FAM135A: variants seen among roughly 807,000 people sequenced by gnomAD.
FAM135A encodes the protein family with sequence similarity 135 member A, also known as protein FAM135A.
FAM135A carries 79 observed loss-of-function variants against 146.8 expected under a neutral mutation model. That is an observed-to-expected ratio of 0.54 (90% CI 0.45 to 0.65). FAM135A has a LOEUF of 0.65. Ranked by LOEUF, FAM135A falls within the 30% of genes least tolerant of loss-of-function variation. The pLI, the probability that FAM135A is intolerant of heterozygous loss-of-function variation, is 0.00. For synonymous variants in FAM135A, 562 were observed against 603.6 expected, an observed-to-expected ratio of 0.93 and a Z score of 1.01; for missense variants, 1,623 against 1,758.2, an observed-to-expected ratio of 0.92 and a Z score of 1.38.
chr6:70,526,153 A>C lies in FAM135A; in HGVS notation c.3069A>C (p.Thr1023=). 2 of 1,613,640 alleles carry C rather than the reference A, an allele frequency of 1.2e-6. No individual in the cohort carries two copies. The highest frequency in any genetic ancestry group is 1.7e-6 in the Non-Finnish European group (2 of 1,179,662). ...TTGAAAGTGAAACTCATCTGGGTAC[A>C]AGTGATCCTTTTTCAGCCAGTACTG... ...PTVESETHLG[T]SDPFSASTDI... is the part of the protein sequence containing the mutation. Residue 1023 remains threonine (T), a synonymous_variant, in exon 15 of 22, where the codon ACA becomes ACC. Transcript: ENST00000418814.
At chr6:70,487,827 A>C (rs893584115) in intron 10 of FAM135A, among the ~76,000 whole-genome samples, 1 of 152,182 alleles carries the variant, frequency 6.6e-6, no homozygotes, top group Non-Finnish European at 1.5e-5. Flanking sequence ...ATTTTACAGA[A>C]TGCAGTTTAA....
At chr6:70,448,844 C>T (rs182120532) in intron 4 of FAM135A, among the ~76,000 whole-genome samples, 15 of 152,232 alleles carry the variant, frequency 9.9e-5, no homozygotes, top group African/African-American at 3.6e-4. Flanking sequence ...GCACAGATTG[C>T]TCATGCTATT....
chr6:70,526,041 G>T lies in FAM135A; in HGVS notation c.2957G>T (p.Ser986Ile), dbSNP rs769630876. 3.1e-6 allele frequency: 5 copies of T among 1,611,814 alleles called. No homozygotes were observed. The highest frequency in any genetic ancestry group is 1.1e-5 in the South Asian group (1 of 90,718). Reference sequence around the variant, plus strand: ...TGTGTCATTTCAGGTTCCATTTCTAGTAATACAGATGTTAGTGAAGATAGA... The same window carrying T: ...TGTGTCATTTCAGGTTCCATTTCTATTAATACAGATGTTAGTGAAGATAGA... ...TPCVISGSISSNTDVSEDRTM... is the reference protein window; with the variant it reads ...TPCVISGSISINTDVSEDRTM... The change falls in exon 15 of 22, where the codon AGT becomes ATT. Residue 986 changes from serine (S) to isoleucine (I), a missense_variant. By Grantham distance (142) the Ser-to-Ile change is moderately radical. Transcript: ENST00000418814.
rs1195563360 is a variant in FAM135A, at chr6:70,453,417, A to AT, written c.157+852dup. On this transcript the variant is annotated intron_variant, in intron 5 of 21. Transcript: ENST00000418814. ...GGTTAATGTTAAATTTTTTATTTTT[A>AT]TTTTTTATTATTATACTTTAAGTTC... 2.6e-5 allele frequency among the ~76,000 whole-genome samples: 4 copies of AT among 152,022 alleles called. No homozygotes were observed. The East Asian group carries it at 5.8e-4, about 22-fold the overall frequency.
chr6:70,446,353 ATTTC>A, intron 4 of FAM135A, among the ~76,000 whole-genome samples: 1 of 152,272 alleles, frequency 6.6e-6, no homozygotes, highest in Non-Finnish European at 1.5e-5. Flanking sequence ...ACTTCTTATC[ATTTC>A]TACCATCTGA....
At chr6:70,463,958 G>T (rs1328463321) in intron 5 of FAM135A, among the ~76,000 whole-genome samples, 1 of 152,220 alleles carries the variant, frequency 6.6e-6, no homozygotes, top group Non-Finnish European at 1.5e-5. Context: ...GAAATAGGCA[G>T]TTAAGAGATT....
intron 2 of FAM135A, among the ~76,000 whole-genome samples, chr6:70,424,049 C>G (rs1454750192): frequency 6.6e-6 from 1 of 152,232 alleles, no homozygotes; most frequent in East Asian, 1.9e-4. Flanking sequence ...TGATGAAGAT[C>G]TCATGCCCTC....
chr6:70,520,835 A>C (rs1334967314), intron 12 of FAM135A, among the ~76,000 whole-genome samples: 1 of 152,234 alleles, frequency 6.6e-6, no homozygotes, highest in Non-Finnish European at 1.5e-5. Context: ...TAATAGCTAC[A>C]GCATGATAAT....
intron 5 of FAM135A, among the ~76,000 whole-genome samples, chr6:70,473,346 C>T (rs1471591843): frequency 6.6e-6 from 1 of 152,196 alleles, no homozygotes; most frequent in Non-Finnish European, 1.5e-5. Context: ...GTGCTACTCC[C>T]AGGCCATTTG....
intron 11 of FAM135A, among the ~76,000 whole-genome samples, chr6:70,496,205 A>T (rs542414827): frequency 3.9e-5 from 6 of 151,930 alleles, no homozygotes; most frequent in Non-Finnish European, 8.8e-5. Flanking sequence ...TCCTTAAGGA[A>T]TTGCCACAGT....
chr6:70,548,407 A>G (rs1376100406), intron 20 of FAM135A, among the ~76,000 whole-genome samples: 1 of 152,212 alleles, frequency 6.6e-6, no homozygotes, highest in African/African-American at 2.4e-5. Context: ...AGTGTATTTA[A>G]TCAGTATCAG....
chr6:70,413,942 C>G (rs967855436), intron 1 of FAM135A: 1 of 985,574 alleles, frequency 1.0e-6, no homozygotes, highest in Middle Eastern at 5.2e-4. Context: ...CGCTGCTCTC[C>G]CGGTGCCCGC....
intron 21 of FAM135A, 81 bp from the exon 22 acceptor site, chr6:70,559,635 A>T: frequency 8.6e-7 from 1 of 1,169,238 alleles, no homozygotes; most frequent in Non-Finnish European, 1.2e-6. Context: ...AAATTTTATA[A>T]CTTATCTAAA....
intron 15 of FAM135A, among the ~76,000 whole-genome samples, chr6:70,527,369 A>C (rs1409902006): frequency 6.6e-6 from 1 of 152,132 alleles, no homozygotes; most frequent in Non-Finnish European, 1.5e-5. Flanking sequence ...GCATGTATAT[A>C]TATAGAGAGA....
chr6:70,433,203 TA>T (rs1456130857), intron 4 of FAM135A, among the ~76,000 whole-genome samples: 1 of 151,760 alleles, frequency 6.6e-6, no homozygotes, highest in Non-Finnish European at 1.5e-5. Flanking sequence ...GCCTTCCGAG[TA>T]GCTGGGACTA....
intron 3 of FAM135A, 94 bp from the exon 4 acceptor site, chr6:70,428,210 G>A (rs966293314): frequency 1.4e-5 from 8 of 563,486 alleles, no homozygotes; most frequent in Non-Finnish European, 2.4e-5. Context: ...TTCTGCCTAT[G>A]TGTCATATTC....
At chr6:70,521,658 TTGTAGA>T in intron 12 of FAM135A, among the ~76,000 whole-genome samples, 1 of 152,332 alleles carries the variant, frequency 6.6e-6, no homozygotes, top group East Asian at 1.9e-4. Context: ...TAGAAAATAA[TTGTAGA>T]TGTAATATAA....
chr6:70,426,127 A>G (rs920274941), intron 2 of FAM135A, among the ~76,000 whole-genome samples: 18 of 150,614 alleles, frequency 1.2e-4, no homozygotes, highest in Admixed American at 1.1e-3. Flanking sequence ...AAAAACAACA[A>G]CAAAAAAAAA....
intron 12 of FAM135A, among the ~76,000 whole-genome samples, chr6:70,513,986 G>T (rs1258325930): frequency 1.4e-5 from 2 of 147,180 alleles, no homozygotes; most frequent in Non-Finnish European, 3.1e-5. Flanking sequence ...TTTTGTTGTT[G>T]TTTGTTTTTT....
Sources: gnomAD v4.1 joint callset for allele counts (sites outside exome capture counted in the v4.1 genomes callset) on GRCh38, gnomAD v4.1.1 for gene constraint, MANE v1.5 for transcripts, NCBI Gene and HGNC (gene_info 2026-07-23, HGNC 2026-07-21) for gene names.